CAPZB: variants seen among roughly 807,000 people sequenced by gnomAD.
The protein encoded by CAPZB is capping actin protein of muscle Z-line subunit beta, also known as F-actin-capping protein subunit beta.
Under a neutral mutation model 38.1 loss-of-function variants are expected in CAPZB, and 2 were observed. That is an observed-to-expected ratio of 0.05 (90% CI 0.02 to 0.17). The LOEUF (loss-of-function observed/expected upper bound fraction) is 0.17. Ranked by LOEUF, CAPZB falls within the 10% of genes least tolerant of loss-of-function variation. CAPZB has a pLI of 1.00. For synonymous variants in CAPZB, 107 were observed against 127.4 expected (o/e 0.84, Z 1.08); for missense variants, 161 against 334.2 (o/e 0.48, Z 4.04).
intron 4 of CAPZB, among the ~76,000 whole-genome samples, chr1:19,371,141 G>C (rs1158249649): frequency 6.6e-6 from 1 of 152,192 alleles, no homozygotes; most frequent in African/African-American, 2.4e-5. Context: ...TGTGGATTGA[G>C]CAGGAATCAT....
chr1:19,469,741 T>C (rs375223216), intron 1 of CAPZB, among the ~76,000 whole-genome samples: 7 of 136,618 alleles, frequency 5.1e-5, no homozygotes, highest in African/African-American at 8.3e-5. Context: ...AGGAAAAGAA[T>C]ACACACACAC....
intron 2 of CAPZB, among the ~76,000 whole-genome samples, chr1:19,398,289 C>T (rs2094283478): frequency 6.8e-6 from 1 of 147,922 alleles, no homozygotes; most frequent in African/African-American, 2.4e-5. Context: ...CTCCTCGCCC[C>T]AGGGGTCCTG....
Position 19,426,477 on chromosome 1 carries a change from G to A in CAPZB, c.4-6727C>T, listed in dbSNP as rs565563325. ...GCTGTGTCCCCTCCGCCTTGGAACC[G>A]GAGGAGCTTTTGTAACTTTTTATCA... is the stretch of plus-strand genomic sequence containing the variant. On this transcript the variant is annotated intron_variant, in intron 1 of 8. Transcript: ENST00000264202. Among the ~76,000 whole-genome samples, 32 of 152,162 alleles carry A rather than the reference G, an allele frequency of 2.1e-4. 1 individual carries two copies. Among genetic ancestry groups the A allele is most frequent in the Admixed American group, 3.9e-4 (6 of 15,288 alleles).
chr1:19,473,442 T>A (rs1194283366), intron 1 of CAPZB, among the ~76,000 whole-genome samples: 1 of 152,154 alleles, frequency 6.6e-6, no homozygotes, highest in Non-Finnish European at 1.5e-5. Context: ...TAAGCAGAAG[T>A]GCAAAGGCCT....
Position 19,348,567 on chromosome 1 carries a change from T to G in CAPZB, c.589-3315A>C, listed in dbSNP as rs553885617. Among the ~76,000 whole-genome samples, 6 of 152,176 alleles carry G rather than the reference T, an allele frequency of 3.9e-5. No homozygotes were observed. In the South Asian group the frequency reaches 1.2e-3, roughly 32 times the overall value. On this transcript the variant is annotated intron_variant, in intron 6 of 8. Coordinates refer to ENST00000264202, the MANE Select transcript of CAPZB (RefSeq NM_004930.5). The stretch of plus-strand genomic sequence containing the variant: ...TTCTGGCAGGGCTCTGAAGGCCTGC[T>G]GTCTGCCAGGGGAACAGACCCAACC...
rs1177219185 is a variant in CAPZB at position 19,344,251 on chromosome 1, C to A, written c.731+107G>T. 4.8e-6 allele frequency: 4 copies of A among 840,102 alleles called. No homozygotes were observed. In the African/African-American group the frequency reaches 6.7e-5, roughly 14 times the overall value. The allele number at this position is 840,102 out of a possible 1,614,324, so 52.0% of individuals were successfully genotyped here. ...CATCCCAGAAGAGGGGCACTGCAGC[C>A]TACCAATGAGGACACCGAGGCCCAA... On this transcript the variant is annotated intron_variant, in intron 8 of 8. Coordinates refer to ENST00000264202, the MANE Select transcript of CAPZB (RefSeq NM_004930.5).
intron 2 of CAPZB, among the ~76,000 whole-genome samples, chr1:19,395,079 C>T (rs758979704): frequency 6.6e-5 from 10 of 152,152 alleles, no homozygotes; most frequent in African/African-American, 1.2e-4. Context: ...GCCTAAGCCA[C>T]GACGCTTGGC....
chr1:19,401,341 C>A (rs934122312), intron 2 of CAPZB, among the ~76,000 whole-genome samples: 23 of 152,170 alleles, frequency 1.5e-4, no homozygotes, highest in Admixed American at 1.4e-3. Context: ...AAGAGCTATG[C>A]ACACAGCCGG....
At chr1:19,423,639 C>T (rs2094410483) in intron 1 of CAPZB, among the ~76,000 whole-genome samples, 1 of 150,522 alleles carries the variant, frequency 6.6e-6, no homozygotes, top group South Asian at 2.1e-4. Flanking sequence ...ATCCTCCCAT[C>T]TCAGCCTCCT....
chr1:19,372,747 C>A (rs1332876226), intron 4 of CAPZB, among the ~76,000 whole-genome samples: 1 of 152,104 alleles, frequency 6.6e-6, no homozygotes, highest in Admixed American at 6.5e-5. Context: ...AGCCAGCTGC[C>A]CAGGAGTCGG....
chr1:19,339,209 G>A lies in CAPZB; in HGVS notation c.*321C>T, dbSNP rs1415930711. On this transcript the variant is annotated 3_prime_UTR_variant, in exon 9 of 9. Transcript: ENST00000264202. ...TGTACCAAAAAGGTGGGAGGGAAGGGAGGCTGGCAGACAGTGGATTTTATG... is the reference window on the plus strand; with the variant it reads ...TGTACCAAAAAGGTGGGAGGGAAGGAAGGCTGGCAGACAGTGGATTTTATG... The A allele has an allele frequency of 1.7e-5, 6 of 356,070 alleles. No homozygotes were observed. Among genetic ancestry groups the A allele is most frequent in the Non-Finnish European group, 2.6e-5 (5 of 194,356 alleles). The allele number at this position is 356,070 out of a possible 1,614,324, so 22.1% of individuals were successfully genotyped here. A position where few individuals can be genotyped will look rare whatever the true frequency, so the allele number is the denominator to read the frequency against.
intron 8 of CAPZB, among the ~76,000 whole-genome samples, chr1:19,340,870 G>T (rs1164714053): frequency 6.6e-6 from 1 of 151,854 alleles, no homozygotes; most frequent in Non-Finnish European, 1.5e-5. Context: ...GGAAAGAGTG[G>T]GTAGAGGGCT....
chr1:19,470,905 C>T (rs751896343), intron 1 of CAPZB, among the ~76,000 whole-genome samples: 1 of 152,202 alleles, frequency 6.6e-6, no homozygotes, highest in Non-Finnish European at 1.5e-5. Flanking sequence ...AATGCCACCA[C>T]CTGGCCTGCC....
At chr1:19,370,065 C>A (rs1042238385) in intron 4 of CAPZB, among the ~76,000 whole-genome samples, 10 of 152,212 alleles carry the variant, frequency 6.6e-5, no homozygotes, top group Non-Finnish European at 4.4e-5. Context: ...ACCCTTGGAA[C>A]CTTCCAGACC....
At chr1:19,484,646 C>T (rs2094644334) in intron 1 of CAPZB, 1 of 1,161,514 alleles carries the variant, frequency 8.6e-7, no homozygotes, top group Non-Finnish European at 1.1e-6. Context: ...GCAAAGAAGG[C>T]GCGCCCCAGG....
chr1:19,430,103 T>C (rs1423813740), intron 1 of CAPZB, among the ~76,000 whole-genome samples: 1 of 152,162 alleles, frequency 6.6e-6, no homozygotes, highest in Non-Finnish European at 1.5e-5. Flanking sequence ...TCTCCCTATT[T>C]ACTGGTGCTC....
At chr1:19,340,743 CTG>C (rs1211222870) in intron 8 of CAPZB, among the ~76,000 whole-genome samples, 2 of 152,174 alleles carry the variant, frequency 1.3e-5, no homozygotes, top group Non-Finnish European at 2.9e-5. Context: ...GATGAGGAAA[CTG>C]AGGCTCAGAG....
chr1:19,459,772 CAGA>C lies in CAPZB; in HGVS notation c.3+25661_3+25663del, dbSNP rs1290520651. The stretch of plus-strand genomic sequence containing the variant: ...TGAAAAACTCTAGAAATGAACAATT[CAGA>C]AGTTCAAAATTTCCCACGGCTCTGA... On this transcript the variant is annotated intron_variant, in intron 1 of 8. Coordinates refer to ENST00000264202, the MANE Select transcript of CAPZB (RefSeq NM_004930.5). Among the ~76,000 whole-genome samples the C allele has an allele frequency of 2.0e-5, 3 of 152,254 alleles. No individual in the cohort carries two copies. In the South Asian group the frequency reaches 6.2e-4, roughly 32 times the overall value.
intron 3 of CAPZB, among the ~76,000 whole-genome samples, chr1:19,379,016 G>A (rs567273312): frequency 5.4e-4 from 82 of 152,160 alleles, no homozygotes; most frequent in Non-Finnish European, 8.8e-5. Context: ...CCCAGAGCTT[G>A]CCAGACTGTC....
Sources: allele counts gnomAD v4.1 joint callset (sites outside exome capture counted in the v4.1 genomes callset), GRCh38; gene constraint gnomAD v4.1.1; transcripts MANE v1.5; gene names NCBI Gene and HGNC (gene_info 2026-07-23, HGNC 2026-07-21).